RUNX2: variants seen among roughly 807,000 people sequenced by gnomAD.
RUNX2 encodes the protein RUNX family transcription factor 2, also known as runt-related transcription factor 2.
A neutral mutation model predicts 51.7 loss-of-function variants in RUNX2; 10 were observed. The ratio of observed to expected loss-of-function variants is 0.19; its 90% CI spans 0.12 to 0.33. The LOEUF (loss-of-function observed/expected upper bound fraction) is 0.33, where lower values mean the gene tolerates loss of function less well. RUNX2 is among the 10% of genes least tolerant of loss of function. The pLI, the probability that RUNX2 is intolerant of heterozygous loss-of-function variation, is 1.00. For synonymous variants in RUNX2, 276 were observed against 273.6 expected (o/e 1.01, Z -0.09); for missense variants, 562 against 691.3 (o/e 0.81, Z 2.10).
chr6:45,354,929 T>C (rs1792842285), intron 2 of RUNX2, among the ~76,000 whole-genome samples: 1 of 152,170 alleles, frequency 6.6e-6, no homozygotes, highest in Non-Finnish European at 1.5e-5. Flanking sequence ...ATTTTTTGTA[T>C]GCATTGGAAA....
chr6:45,486,418 G>A (rs919046753), intron 5 of RUNX2, among the ~76,000 whole-genome samples: 1 of 152,102 alleles, frequency 6.6e-6, no homozygotes, highest in Non-Finnish European at 1.5e-5. Flanking sequence ...TATGGACATG[G>A]TACTGCTTCC....
intron 2 of RUNX2, among the ~76,000 whole-genome samples, chr6:45,360,585 A>G (rs1202044022): frequency 6.6e-6 from 1 of 152,208 alleles, no homozygotes; most frequent in Non-Finnish European, 1.5e-5. Context: ...TTCACAGCTC[A>G]TATCTTCATA....
At chr6:45,454,997 C>T (rs1312872663) in intron 5 of RUNX2, among the ~76,000 whole-genome samples, 1 of 152,088 alleles carries the variant, frequency 6.6e-6, no homozygotes, top group Non-Finnish European at 1.5e-5. Flanking sequence ...GACTGTAGTC[C>T]CAACTACTTA....
In RUNX2 at chr6:45,548,883, AG is replaced by A. The variant is rs1802481878; in HGVS notation, c.*1580del. On this transcript the variant is annotated 3_prime_UTR_variant, in exon 9 of 9. Transcript: ENST00000647337. Reference sequence around the variant, plus strand: ...AGCTTTCCACAGAATTTGCATTTAGAGGAGCAGAATGACATCACTGTCCTTT... The same window carrying A: ...AGCTTTCCACAGAATTTGCATTTAGAGAGCAGAATGACATCACTGTCCTTT... 1 of 348,370 alleles carries A rather than the reference AG, an allele frequency of 2.9e-6. No homozygotes were observed. The highest frequency in any genetic ancestry group is 5.1e-6 in the Non-Finnish European group (1 of 194,372). 21.6% of individuals were successfully genotyped at this position (348,370 alleles called of 1,614,324 possible).
intron 6 of RUNX2, among the ~76,000 whole-genome samples, chr6:45,499,154 T>C (rs1038495690): frequency 6.6e-6 from 1 of 152,232 alleles, no homozygotes; most frequent in Non-Finnish European, 1.5e-5. Context: ...AGTCACTGCA[T>C]TGAAAGACAG....
chr6:45,456,480 A>G (rs1440380325), intron 5 of RUNX2, among the ~76,000 whole-genome samples: 2 of 152,200 alleles, frequency 1.3e-5, no homozygotes, highest in South Asian at 2.1e-4. Flanking sequence ...GACAACTCAT[A>G]TGAAGTGTAC....
chr6:45,445,774 A>T (rs1187989792), intron 5 of RUNX2, among the ~76,000 whole-genome samples: 1 of 149,452 alleles, frequency 6.7e-6, no homozygotes, highest in Admixed American at 6.6e-5. Flanking sequence ...GAATAATAAC[A>T]GTAAGAAAAC....
chr6:45,374,065 C>T (rs1001664079), intron 2 of RUNX2, among the ~76,000 whole-genome samples: 1 of 152,090 alleles, frequency 6.6e-6, no homozygotes, highest in Non-Finnish European at 1.5e-5. Context: ...TCATTTGATG[C>T]CACCAACAGT....
intron 5 of RUNX2, among the ~76,000 whole-genome samples, chr6:45,481,167 G>C (rs916904634): frequency 5.1e-4 from 78 of 152,276 alleles, no homozygotes; most frequent in African/African-American, 1.8e-3. Context: ...TAATGAAAGA[G>C]AAATAGAAAG....
At chr6:45,502,482 A>G (rs1800824998) in intron 6 of RUNX2, among the ~76,000 whole-genome samples, 1 of 152,110 alleles carries the variant, frequency 6.6e-6, no homozygotes. Context: ...TGTGAGGTGG[A>G]GCCGGCCCAA....
intron 7 of RUNX2, among the ~76,000 whole-genome samples, chr6:45,541,244 C>T (rs1802219282): frequency 6.6e-6 from 1 of 152,062 alleles, no homozygotes; most frequent in African/African-American, 2.4e-5. Context: ...TCTTTACCAT[C>T]CAAAGCTGAC....
chr6:45,379,228 G>T (rs1448046705), intron 2 of RUNX2, among the ~76,000 whole-genome samples: 1 of 152,148 alleles, frequency 6.6e-6, no homozygotes. Context: ...AGCTCAGCTT[G>T]ATGTGTAAAT....
Position 45,462,194 on chromosome 6 carries a change from A to G in RUNX2, c.685+24143A>G, listed in dbSNP as rs374076477. ...AAAGGATTTAGAATCAATGAGGTGCACTGCAGTTATTTATATCCATATGTT... is the reference window on the plus strand; with the variant it reads ...AAAGGATTTAGAATCAATGAGGTGCGCTGCAGTTATTTATATCCATATGTT... On this transcript the variant is annotated intron_variant, in intron 5 of 8. Coordinates refer to ENST00000647337, the MANE Select transcript of RUNX2 (RefSeq NM_001024630.4). Among the ~76,000 whole-genome samples the G allele has an allele frequency of 2.6e-5, 4 of 152,340 alleles. No homozygotes were observed. In the South Asian group the frequency reaches 8.3e-4, roughly 32 times the overall value.
chr6:45,339,082 A>G (rs1186569744), intron 2 of RUNX2, among the ~76,000 whole-genome samples: 4 of 152,204 alleles, frequency 2.6e-5, no homozygotes, highest in Non-Finnish European at 4.4e-5. Flanking sequence ...CTTGCCATAA[A>G]TATCTTGCAA....
chr6:45,431,782 A>G (rs1798549183), intron 3 of RUNX2, 81 bp from the exon 4 acceptor site: 1 of 1,479,848 alleles, frequency 6.8e-7, no homozygotes, highest in South Asian at 1.1e-5. Flanking sequence ...GATAAGACAC[A>G]TCATTTGCAA....
In RUNX2 at chr6:45,403,218, T is replaced by G. The variant is rs544666332; in HGVS notation, c.59-19375T>G. Among the ~76,000 whole-genome samples, 93 of 150,794 alleles carry G rather than the reference T, an allele frequency of 6.2e-4. 1 individual carries two copies. Among genetic ancestry groups the G allele is most frequent in the African/African-American group, 2.2e-3 (92 of 41,258 alleles). ...TAAGGTCTCTTCTTCCATACTTAATTGTTTGAGTTTCTTTTTTTTTTTTTT... is the reference window on the plus strand; with the variant it reads ...TAAGGTCTCTTCTTCCATACTTAATGGTTTGAGTTTCTTTTTTTTTTTTTT... On this transcript the variant is annotated intron_variant, in intron 2 of 8. Transcript: ENST00000647337.
intron 5 of RUNX2, among the ~76,000 whole-genome samples, chr6:45,480,390 C>A (rs552271604): frequency 6.6e-6 from 1 of 152,174 alleles, no homozygotes; most frequent in East Asian, 1.9e-4. Context: ...ATTTCAAAGA[C>A]GTCTCTTGTT....
At chr6:45,512,176 G>A (rs1801173638) in intron 6 of RUNX2, 70 bp from the exon 7 acceptor site, 5 of 1,512,960 alleles carry the variant, frequency 3.3e-6, no homozygotes, top group Admixed American at 3.4e-5. Context: ...TCCTTTCTGA[G>A]TTTTGGGTTG....
At chr6:45,451,889 T>C (rs1799185103) in intron 5 of RUNX2, among the ~76,000 whole-genome samples, 1 of 152,224 alleles carries the variant, frequency 6.6e-6, no homozygotes, top group South Asian at 2.1e-4. Flanking sequence ...TTTTCCATTA[T>C]AATTCTGAAG....
Sources: allele counts gnomAD v4.1 joint callset (sites outside exome capture counted in the v4.1 genomes callset), GRCh38; gene constraint gnomAD v4.1.1; transcripts MANE v1.5; gene names NCBI Gene and HGNC (gene_info 2026-07-23, HGNC 2026-07-21).